Variants in MCF2L2 observed in about 807,000 individuals in gnomAD.
The protein encoded by MCF2L2 is probable guanine nucleotide exchange factor MCF2L2.
Under a neutral mutation model 150.2 loss-of-function variants are expected in MCF2L2, and 102 were observed. The ratio of observed to expected loss-of-function variants is 0.68; its 90% CI spans 0.58 to 0.80. The LOEUF (loss-of-function observed/expected upper bound fraction) is 0.80, where lower values mean the gene tolerates loss of function less well. Ranked by LOEUF, MCF2L2 falls within the 30% of genes least tolerant of loss-of-function variation. MCF2L2 has a pLI of 0.00. For synonymous variants in MCF2L2, 465 were observed against 491.3 expected (o/e 0.95, Z 0.71); for missense variants, 1,256 against 1,372.8 (o/e 0.91, Z 1.34).
chr3:183,403,476 G>C (rs1714879719), intron 1 of MCF2L2, among the ~76,000 whole-genome samples: 1 of 152,168 alleles, frequency 6.6e-6, no homozygotes, highest in African/African-American at 2.4e-5. Context: ...TTTAAACAAA[G>C]AGCTTGGAAA....
chr3:183,398,105 T>C (rs1469699750), intron 1 of MCF2L2, among the ~76,000 whole-genome samples: 1 of 152,164 alleles, frequency 6.6e-6, no homozygotes, highest in Non-Finnish European at 1.5e-5. Flanking sequence ...TAACTGCCCA[T>C]CAAAATGTCA....
intron 1 of MCF2L2, among the ~76,000 whole-genome samples, chr3:183,410,322 T>C (rs1027701917): frequency 6.6e-6 from 1 of 152,222 alleles, no homozygotes; most frequent in Non-Finnish European, 1.5e-5. Flanking sequence ...TTTTGCAGTC[T>C]TTCTTAATAT....
chr3:183,397,353 G>C lies in MCF2L2; in HGVS notation c.77-7574C>G, dbSNP rs907758777. On this transcript the variant is annotated intron_variant, in intron 1 of 29. Coordinates refer to ENST00000328913, the MANE Select transcript of MCF2L2 (RefSeq NM_015078.4). The stretch of plus-strand genomic sequence containing the variant: ...TTGCCGCATCCTCACATGGTGGAAG[G>C]GCGAAAGGGGTGTACACTGAGTCCT... Among the ~76,000 whole-genome samples, 9 of 152,278 alleles carry C rather than the reference G, an allele frequency of 5.9e-5. No individual in the cohort carries two copies. In the South Asian group the frequency reaches 1.7e-3, roughly 28 times the overall value.
At chr3:183,256,118 T>C (rs564349587) in intron 15 of MCF2L2, among the ~76,000 whole-genome samples, 1 of 152,352 alleles carries the variant, frequency 6.6e-6, no homozygotes, top group Non-Finnish European at 1.5e-5. Flanking sequence ...AGTAAATAGA[T>C]CTCAGCTTTG....
rs60835895 is a variant in MCF2L2, at chr3:183,269,230, C to CTTTTTTTTTTTTTTTTTTTTTTTT, written c.1862+7641_1862+7642insAAAAAAAAAAAAAAAAAAAAAAAA. Among the ~76,000 whole-genome samples the CTTTTTTTTTTTTTTTTTTTTTTTT allele has an allele frequency of 8.5e-4, 69 of 81,000 alleles. 15 individuals are homozygous for CTTTTTTTTTTTTTTTTTTTTTTTT. Among genetic ancestry groups the CTTTTTTTTTTTTTTTTTTTTTTTT allele is most frequent in the African/African-American group, 3.8e-3 (60 of 15,756 alleles). The allele number at this position is 81,000 out of a possible 152,430, so 53.1% of individuals were successfully genotyped here. A position where few individuals can be genotyped will look rare whatever the true frequency, so the allele number is the denominator to read the frequency against. ...TACACGATTATAGCCGTTTGGGAAG[C>CTTTTTTTTTTTTTTTTTTTTTTTT]TTTTTTTTTTTTTTTTTTAAGAGTA... On this transcript the variant is annotated intron_variant, in intron 15 of 29. Transcript: ENST00000328913.
Position 183,188,694 on chromosome 3 carries a change from G to A in MCF2L2, c.3016+4305C>T, listed in dbSNP as rs981764143. Among the ~76,000 whole-genome samples, 22 of 152,260 alleles carry A rather than the reference G, an allele frequency of 1.4e-4. No individual in the cohort carries two copies. In the East Asian group the frequency reaches 1.5e-3, roughly 11 times the overall value. ...TCAAAGCAGTGTTATACAGCCTGGC[G>A]CGCTGGCTCATGCCTGTGATCCCAG... On this transcript the variant is annotated intron_variant, in intron 27 of 29. Transcript: ENST00000328913.
chr3:183,261,990 GCATT>G (rs1485119577), intron 15 of MCF2L2, among the ~76,000 whole-genome samples: 1 of 134,934 alleles, frequency 7.4e-6, no homozygotes, highest in Non-Finnish European at 1.5e-5. Flanking sequence ...ATAGAATTGG[GCATT>G]CATATATATA....
chr3:183,416,597 T>C (rs1014921857), intron 1 of MCF2L2, among the ~76,000 whole-genome samples: 7 of 152,226 alleles, frequency 4.6e-5, no homozygotes, highest in African/African-American at 7.2e-5. Context: ...CCCTAATTTA[T>C]GATGGCTTGA....
chr3:183,315,985 CA>C (rs1476765064), intron 7 of MCF2L2, among the ~76,000 whole-genome samples: 2 of 152,250 alleles, frequency 1.3e-5, no homozygotes, highest in Non-Finnish European at 2.9e-5. Context: ...GCACCGTGCT[CA>C]TGAGCCCAAG....
At chr3:183,250,754 A>T (rs73184914) in intron 15 of MCF2L2, among the ~76,000 whole-genome samples, 1 of 152,170 alleles carries the variant, frequency 6.6e-6, no homozygotes, top group Non-Finnish European at 1.5e-5. Context: ...GAGATAGGGC[A>T]TCGTCTGAAT....
intron 22 of MCF2L2, among the ~76,000 whole-genome samples, chr3:183,210,422 G>T (rs1359310121): frequency 6.6e-6 from 1 of 152,198 alleles, no homozygotes; most frequent in Admixed American, 6.5e-5. Flanking sequence ...GATTTATTAT[G>T]TCTGAAGACA....
intron 1 of MCF2L2, among the ~76,000 whole-genome samples, chr3:183,414,035 T>C (rs1715456052): frequency 1.3e-5 from 2 of 152,202 alleles, no homozygotes; most frequent in Non-Finnish European, 2.9e-5. Flanking sequence ...GCCTATAGTT[T>C]GCTTTCCTGT....
chr3:183,190,086 T>TA (rs1721825649), intron 27 of MCF2L2, among the ~76,000 whole-genome samples: 1 of 152,230 alleles, frequency 6.6e-6, no homozygotes, highest in South Asian at 2.1e-4. Flanking sequence ...CTGACCCTGT[T>TA]ACTTTCTCCC....
At chr3:183,365,331 GA>G (rs1269873618) in intron 3 of MCF2L2, among the ~76,000 whole-genome samples, 1 of 152,074 alleles carries the variant, frequency 6.6e-6, no homozygotes. Context: ...TCTTTTTTAT[GA>G]AGCTAGACAA....
chr3:183,290,871 C>T (rs1232148440), intron 13 of MCF2L2, among the ~76,000 whole-genome samples: 3 of 152,182 alleles, frequency 2.0e-5, no homozygotes, highest in African/African-American at 7.2e-5. Flanking sequence ...AAATGCCATT[C>T]ATTGAATGCC....
chr3:183,393,980 A>C (rs562806007), intron 1 of MCF2L2, among the ~76,000 whole-genome samples: 2 of 152,236 alleles, frequency 1.3e-5, no homozygotes, highest in Non-Finnish European at 2.9e-5. Context: ...CTGTCACACT[A>C]TGATTTAAAA....
chr3:183,289,676 T>G (rs1163096365), intron 13 of MCF2L2, among the ~76,000 whole-genome samples: 2 of 152,090 alleles, frequency 1.3e-5, no homozygotes, highest in Non-Finnish European at 2.9e-5. Flanking sequence ...GCCAACATGG[T>G]GAAATCCCGT....
At chr3:183,264,143 C>A (rs954991109) in intron 15 of MCF2L2, among the ~76,000 whole-genome samples, 12 of 152,116 alleles carry the variant, frequency 7.9e-5, no homozygotes, top group African/African-American at 2.9e-4. Flanking sequence ...CTTTCTGTAC[C>A]CCCCTAAGAC....
At chr3:183,287,363 G>C (rs1007280393) in intron 14 of MCF2L2, 4 of 151,886 alleles carry the variant, frequency 2.6e-5, no homozygotes, top group African/African-American at 9.7e-5. Context: ...ACATCACGGC[G>C]TGAGTCAAGG....
Sources: gnomAD v4.1 joint callset for allele counts (sites outside exome capture counted in the v4.1 genomes callset) on GRCh38, gnomAD v4.1.1 for gene constraint, MANE v1.5 for transcripts, NCBI Gene and HGNC (gene_info 2026-07-23, HGNC 2026-07-21) for gene names.